Variants in ZNF248 observed in about 807,000 individuals in gnomAD.
ZNF248 encodes zinc finger protein 248.
A neutral mutation model predicts 44.3 loss-of-function variants in ZNF248; 20 were observed. The ratio of observed to expected loss-of-function variants is 0.45; its 90% CI spans 0.32 to 0.66. The LOEUF (loss-of-function observed/expected upper bound fraction) is 0.66. ZNF248 is among the 30% of genes least tolerant of loss of function. ZNF248 has a pLI of 0.04. For missense variants in ZNF248, 654 were observed against 677.0 expected (o/e 0.97, Z 0.38); for synonymous variants, 224 against 229.0 (o/e 0.98, Z 0.20).
chr10:37,796,676 C>T (rs1240436298), intron 6 of ZNF248, among the ~76,000 whole-genome samples: 1 of 151,920 alleles, frequency 6.6e-6, no homozygotes, highest in African/African-American at 2.4e-5. Context: ...CCATTTTCCC[C>T]CTTTCAGTAT....
chr10:37,846,640 T>C (rs2059364973), intron 3 of ZNF248, among the ~76,000 whole-genome samples: 1 of 152,114 alleles, frequency 6.6e-6, no homozygotes, highest in Non-Finnish European at 1.5e-5. Context: ...AGCAAGATCC[T>C]GACTCAAGAA....
At chr10:37,827,205 G>C (rs138923040), downstream of ZNF248, among the ~76,000 whole-genome samples, 1 of 152,342 alleles carries the variant, frequency 6.6e-6, no homozygotes, top group Non-Finnish European at 1.5e-5. Flanking sequence ...AATAGGGCAA[G>C]CCTTTACTAG....
intron 6 of ZNF248, among the ~76,000 whole-genome samples, chr10:37,811,458 A>T (rs1321505189): frequency 1.3e-5 from 2 of 151,748 alleles, no homozygotes; most frequent in Non-Finnish European, 2.9e-5. Flanking sequence ...AATAAAAAAT[A>T]AAAAAAACCA....
the ZNF248 span, among the ~76,000 whole-genome samples, chr10:37,769,776 A>T: frequency 6.6e-6 from 1 of 152,214 alleles, no homozygotes; most frequent in Non-Finnish European, 1.5e-5. Context: ...TGGCCAGGGC[A>T]ATTAGGCAGG....
intron 6 of ZNF248, among the ~76,000 whole-genome samples, chr10:37,802,044 A>G (rs1374218963): frequency 1.3e-5 from 2 of 152,184 alleles, no homozygotes; most frequent in Admixed American, 1.3e-4. Context: ...ACATTATAGG[A>G]CCTGCATGTA....
chr10:37,831,766 C>T lies in ZNF248; in HGVS notation c.1589G>A (p.Cys530Tyr). 1 of 1,613,286 alleles carries T rather than the reference C, an allele frequency of 6.2e-7. No individual in the cohort carries two copies. The highest frequency in any genetic ancestry group is 1.7e-5 in the Admixed American group (1 of 59,958). ...ATGTTTAGTGAGAGCTGATTTTTCA[C>T]AGAAGGTTTTCCCACATTCATTACA... is the stretch of plus-strand genomic sequence containing the variant. The part of the protein sequence containing the change: ...YKCNECGKTF[C>Y]EKSALTKHQR... Residue 530 changes from cysteine to tyrosine, a missense_variant, in exon 6 of 6, where the codon TGT becomes TAT. Cys to Tyr is a radical substitution (Grantham distance 194). Transcript: ENST00000395867.
chr10:37,834,815 G>T (rs1047954690), intron 5 of ZNF248, among the ~76,000 whole-genome samples: 1 of 152,134 alleles, frequency 6.6e-6, no homozygotes. Flanking sequence ...AACAAGAACG[G>T]AAGTTTTCCA....
intron 3 of ZNF248, among the ~76,000 whole-genome samples, chr10:37,854,577 T>C (rs2060934388): frequency 6.6e-6 from 1 of 152,224 alleles, no homozygotes; most frequent in African/African-American, 2.4e-5. Flanking sequence ...CCACATATTC[T>C]ATGGGAGGAG....
the ZNF248 span, among the ~76,000 whole-genome samples, chr10:37,770,470 T>C: frequency 6.6e-6 from 1 of 152,106 alleles, no homozygotes; most frequent in South Asian, 2.1e-4. Flanking sequence ...TAATGCTGCA[T>C]ATCTACAACC....
the ZNF248 span, among the ~76,000 whole-genome samples, chr10:37,762,889 C>T: frequency 6.6e-6 from 1 of 152,036 alleles, no homozygotes; most frequent in Non-Finnish European, 1.5e-5. Context: ...TTAGGCTGTG[C>T]TAAATGTAAA....
the ZNF248 span, among the ~76,000 whole-genome samples, chr10:37,763,649 T>C: frequency 6.6e-6 from 1 of 152,370 alleles, no homozygotes. Flanking sequence ...AGTTTGATTC[T>C]GTTGGGTTCC....
intron 6 of ZNF248, among the ~76,000 whole-genome samples, chr10:37,778,166 T>G (rs1184967682): frequency 9.2e-5 from 14 of 152,236 alleles, no homozygotes; most frequent in African/African-American, 3.1e-4. Context: ...TGTAAAAGTG[T>G]TCCTATTTCT....
downstream of ZNF248, chr10:37,776,358 T>C (rs1184430866): frequency 1.6e-5 from 6 of 373,270 alleles, no homozygotes; most frequent in Non-Finnish European, 2.9e-5. Flanking sequence ...TGTGATAACA[T>C]TTACAGAGCA....
At chr10:37,764,227 G>A in the ZNF248 span, among the ~76,000 whole-genome samples, 5 of 152,168 alleles carry the variant, frequency 3.3e-5, no homozygotes, top group East Asian at 9.6e-4. Context: ...GGGAATGTCT[G>A]TCTTTCATGG....
intron 6 of ZNF248, among the ~76,000 whole-genome samples, chr10:37,779,464 AC>A (rs1241350645): frequency 6.6e-6 from 1 of 152,032 alleles, no homozygotes; most frequent in Non-Finnish European, 1.5e-5. Context: ...AAATTCAACA[AC>A]CCTTCATGCT....
chr10:37,819,959 G>T, intron 6 of ZNF248: 2 of 767,186 alleles, frequency 2.6e-6, no homozygotes, highest in Non-Finnish European at 4.9e-6. Flanking sequence ...GTAGTAAAGC[G>T]GCCCCATCTC....
intron 3 of ZNF248, among the ~76,000 whole-genome samples, chr10:37,852,686 T>C (rs1589994827): frequency 6.7e-6 from 1 of 148,838 alleles, no homozygotes; most frequent in South Asian, 2.1e-4. Flanking sequence ...ATATATGTTA[T>C]ATATGTAAAA....
At chr10:37,846,016 A>G (rs2059264027) in intron 3 of ZNF248, among the ~76,000 whole-genome samples, 1 of 152,204 alleles carries the variant, frequency 6.6e-6, no homozygotes, top group African/African-American at 2.4e-5. Context: ...ATCTTCATGT[A>G]CTGATGTATG....
At position 37,856,352 on chromosome 10, in the gene ZNF248, A is replaced by C; in HGVS notation, c.-27-15T>G. ...AGGAAGGAGAGCTGAAGGATTAGAAAGGAAGAATGTCAGGAGAGCCTTCGC... is the reference window on the plus strand; with the variant it reads ...AGGAAGGAGAGCTGAAGGATTAGAACGGAAGAATGTCAGGAGAGCCTTCGC... On this transcript the variant is annotated splice_polypyrimidine_tract_variant and intron_variant, in intron 2 of 5. Coordinates refer to ENST00000395867, the MANE Select transcript of ZNF248 (RefSeq NM_021045.3). 2 of 1,613,260 alleles carry C rather than the reference A, an allele frequency of 1.2e-6. No individual in the cohort carries two copies. Among genetic ancestry groups the C allele is most frequent in the South Asian group, 2.2e-5 (2 of 91,024 alleles).
Sources: gnomAD v4.1 joint callset for allele counts (sites outside exome capture counted in the v4.1 genomes callset) on GRCh38, gnomAD v4.1.1 for gene constraint, MANE v1.5 for transcripts, NCBI Gene and HGNC (gene_info 2026-07-23, HGNC 2026-07-21) for gene names.